The following DYNC2H1 variants were observed in gnomAD, a reference collection of about 807,000 sequenced individuals.
DYNC2H1 encodes dynein cytoplasmic 2 heavy chain 1, also known as cytoplasmic dynein 2 heavy chain 1.
Under a neutral mutation model 570.0 loss-of-function variants are expected in DYNC2H1, and 410 were observed. The ratio of observed to expected loss-of-function variants is 0.72; its 90% CI spans 0.66 to 0.78. DYNC2H1 has a LOEUF of 0.78. Among genes scored for constraint, DYNC2H1 ranks in the 30% least tolerant of loss-of-function variants. The pLI, the probability that DYNC2H1 is intolerant of heterozygous loss-of-function variation, is 0.00. For synonymous variants in DYNC2H1, 1,688 were observed against 1,677.6 expected, an observed-to-expected ratio of 1.01 and a Z score of -0.15; for missense variants, 4,865 against 5,046.4, an observed-to-expected ratio of 0.96 and a Z score of 1.09.
rs543380670 is a variant in DYNC2H1 at position 103,412,421 on chromosome 11, GA to G, written c.12366+12550del. 7.7e-4 allele frequency among the ~76,000 whole-genome samples: 117 copies of G among 152,208 alleles called. 2 individuals are homozygous for G. The South Asian group carries it at 0.024, about 31-fold the overall frequency. On this transcript the variant is annotated intron_variant, in intron 84 of 88. Coordinates refer to ENST00000375735, the MANE Select transcript of DYNC2H1 (RefSeq NM_001377.3). ...GTTATCTTCTACATGTTAGAACATA[GA>G]CTTTAAAACATAATTTAAAATATAC... is the stretch of plus-strand genomic sequence containing the variant.
intron 47 of DYNC2H1, among the ~76,000 whole-genome samples, chr11:103,192,989 C>A (rs1862377843): frequency 6.6e-6 from 1 of 152,074 alleles, no homozygotes; most frequent in South Asian, 2.1e-4. Context: ...CTTTTAATGG[C>A]AAAACCACAA....
At chr11:103,311,364 C>A (rs1383580466) in intron 78 of DYNC2H1, among the ~76,000 whole-genome samples, 1 of 151,896 alleles carries the variant, frequency 6.6e-6, no homozygotes, top group African/African-American at 2.4e-5. Flanking sequence ...ATTTCACTTC[C>A]TGGATTTTTG....
chr11:103,188,859 T>A (rs1862183587), intron 44 of DYNC2H1, among the ~76,000 whole-genome samples: 1 of 152,122 alleles, frequency 6.6e-6, no homozygotes, highest in South Asian at 2.1e-4. Context: ...ATGATATGTT[T>A]AACAGGAAAT....
chr11:103,364,314 T>G (rs1021913609), intron 83 of DYNC2H1, among the ~76,000 whole-genome samples: 5 of 134,860 alleles, frequency 3.7e-5, no homozygotes, highest in African/African-American at 1.0e-4. Flanking sequence ...GAGAAGCAGT[T>G]TCCTTTTGAT....
At position 103,439,268 on chromosome 11, in the gene DYNC2H1, A is replaced by T. The variant is rs1944175134; in HGVS notation, c.12456+3236A>T. 6.6e-6 allele frequency among the ~76,000 whole-genome samples: 1 copy of T among 152,142 alleles called. No individual in the cohort carries two copies. Among genetic ancestry groups the T allele is most frequent in the Admixed American group, 6.6e-5 (1 of 15,246 alleles). On this transcript the variant is annotated intron_variant, in intron 85 of 88. Transcript: ENST00000375735. This position sits in a 1 kb window ranked among gnomAD's most constrained non-coding sequence, Gnocchi z 4.1. ...AAACCAGATGAGGATGAGACGAAAG[A>T]ATGTATCAGACAGAAGGCAGACCAG... is the stretch of plus-strand genomic sequence containing the variant.
intron 83 of DYNC2H1, among the ~76,000 whole-genome samples, chr11:103,398,532 A>G (rs780866116): frequency 6.6e-5 from 10 of 152,208 alleles, no homozygotes; most frequent in Non-Finnish European, 1.2e-4. Flanking sequence ...TGAAAAAGCA[A>G]CAGTGCCACC....
intron 29 of DYNC2H1, 74 bp downstream of exon 29, chr11:103,161,118 G>T: frequency 1.2e-6 from 1 of 843,072 alleles, no homozygotes; most frequent in Non-Finnish European, 1.7e-6. Flanking sequence ...AAATAATTTA[G>T]TCAATTTAGA....
intron 84 of DYNC2H1, among the ~76,000 whole-genome samples, chr11:103,424,033 T>A (rs1355181269): frequency 6.6e-6 from 1 of 152,104 alleles, no homozygotes; most frequent in Non-Finnish European, 1.5e-5. Flanking sequence ...CACTGAGAGC[T>A]ACACAACATC....
At chr11:103,288,778 G>A (rs1326100090) in intron 75 of DYNC2H1, among the ~76,000 whole-genome samples, 1 of 150,410 alleles carries the variant, frequency 6.6e-6, no homozygotes, top group African/African-American at 2.4e-5. Context: ...CTCCTCGGGA[G>A]GCTGAGGCAG....
At chr11:103,229,009 A>G (rs910387274) in intron 59 of DYNC2H1, among the ~76,000 whole-genome samples, 6 of 151,988 alleles carry the variant, frequency 3.9e-5, no homozygotes, top group African/African-American at 1.5e-4. Flanking sequence ...CACCCAGGGT[A>G]GTGGGGGAAA....
chr11:103,314,041 T>C (rs1488867891), intron 79 of DYNC2H1, among the ~76,000 whole-genome samples: 1 of 152,176 alleles, frequency 6.6e-6, no homozygotes, highest in East Asian at 1.9e-4. Flanking sequence ...TTTACCTTTA[T>C]TGAGAAAAGT....
At chr11:103,270,680 C>T (rs1035925381) in intron 70 of DYNC2H1, among the ~76,000 whole-genome samples, 7 of 151,836 alleles carry the variant, frequency 4.6e-5, no homozygotes, top group South Asian at 2.1e-4. Flanking sequence ...AAGTGATTAA[C>T]GGACAGGTAG....
At chr11:103,234,429 A>G (rs1001400482) in intron 61 of DYNC2H1, among the ~76,000 whole-genome samples, 4 of 152,006 alleles carry the variant, frequency 2.6e-5, no homozygotes, top group Admixed American at 6.6e-5. Flanking sequence ...TGGAAAACTT[A>G]GTACTCCTTA....
rs1864338298 is a variant in DYNC2H1 at position 103,239,307 on chromosome 11, A to G, written c.9819+2768A>G. The stretch of plus-strand genomic sequence containing the variant: ...ACTAGTCTAAGAATATAAAATTATA[A>G]TGGTAAATTTACAACTTTAAAGTTA... On this transcript the variant is annotated intron_variant, in intron 63 of 88. Coordinates refer to ENST00000375735, the MANE Select transcript of DYNC2H1 (RefSeq NM_001377.3). The surrounding 1 kb of genome is among the most constrained non-coding windows in gnomAD (Gnocchi z 4.3). Among the ~76,000 whole-genome samples the G allele has an allele frequency of 6.6e-6, 1 of 152,176 alleles. No homozygotes were observed. The highest frequency in any genetic ancestry group is 1.5e-5 in the Non-Finnish European group (1 of 68,030).
intron 25 of DYNC2H1, among the ~76,000 whole-genome samples, chr11:103,155,705 C>G (rs1332880222): frequency 5.9e-5 from 9 of 152,034 alleles, no homozygotes; most frequent in Admixed American, 5.9e-4. Flanking sequence ...ATACACAAAT[C>G]CAGAGAGCTA....
intron 82 of DYNC2H1, among the ~76,000 whole-genome samples, chr11:103,351,326 G>A (rs1940044078): frequency 6.6e-6 from 1 of 152,144 alleles, no homozygotes; most frequent in Non-Finnish European, 1.5e-5. Context: ...TGAAGTCTAG[G>A]CTTTGTAAAT....
At position 103,176,231 on chromosome 11, in the gene DYNC2H1, C is replaced by A; in HGVS notation, c.5675-4C>A. The A allele has an allele frequency of 1.4e-6, 2 of 1,462,560 alleles. No individual in the cohort carries two copies. Among genetic ancestry groups the A allele is most frequent in the South Asian group, 1.5e-5 (1 of 65,220 alleles). 90.6% of individuals were successfully genotyped at this position (1,462,560 alleles called of 1,614,324 possible). A position where few individuals can be genotyped will look rare whatever the true frequency, so the allele number is the denominator to read the frequency against. ...AATAATTTTAAAATGAAACTTTTTT[C>A]TAGCTAATGAAAGTCATATTGTGGT... On this transcript the variant is annotated splice_polypyrimidine_tract_variant and splice_region_variant and intron_variant, in intron 36 of 88. Transcript: ENST00000375735.
In DYNC2H1 at chr11:103,199,168, C is replaced by A. The variant is rs1009751843; in HGVS notation, c.7840-60C>A. On this transcript the variant is annotated intron_variant, in intron 48 of 88. Transcript: ENST00000375735. This position sits in a 1 kb window ranked among gnomAD's most constrained non-coding sequence, Gnocchi z 4.6. ...ATAATATTTTAACCTAGGTAAGTAACATTTTTATTATGTAATTAGGGCTTA... is the reference window on the plus strand; with the variant it reads ...ATAATATTTTAACCTAGGTAAGTAAAATTTTTATTATGTAATTAGGGCTTA... 11 of 1,207,266 alleles carry A rather than the reference C, an allele frequency of 9.1e-6. No homozygotes were observed. The African/African-American group carries it at 1.5e-4, about 17-fold the overall frequency. 74.8% of individuals were successfully genotyped at this position (1,207,266 alleles called of 1,614,324 possible).
At position 103,129,397 on chromosome 11, in the gene DYNC2H1, A is replaced by G. The variant is rs1350734446; in HGVS notation, c.1953+392A>G. On this transcript the variant is annotated intron_variant, in intron 13 of 88. Transcript: ENST00000375735. This position sits in a 1 kb window ranked among gnomAD's most constrained non-coding sequence, Gnocchi z 4.1. ...TTTAAATGTCTGTATATAAGAAATT[A>G]GGAGGCTGGGTGCAGTGGCTTACGC... Among the ~76,000 whole-genome samples the G allele has an allele frequency of 6.6e-6, 1 of 152,204 alleles. No homozygotes were observed. Among genetic ancestry groups the G allele is most frequent in the Non-Finnish European group, 1.5e-5 (1 of 68,028 alleles).
Sources: allele counts gnomAD v4.1 joint callset (sites outside exome capture counted in the v4.1 genomes callset), GRCh38; gene constraint gnomAD v4.1.1; non-coding constraint Gnocchi (gnomAD v3.1); transcripts MANE v1.5; gene names NCBI Gene and HGNC (gene_info 2026-07-23, HGNC 2026-07-21).